The following MCTP1 variants were observed in gnomAD, a reference collection of about 807,000 sequenced individuals.
The protein encoded by MCTP1 is multiple C2 and transmembrane domain-containing protein 1.
MCTP1 carries 69 observed loss-of-function variants against 120.6 expected under a neutral mutation model. That is an observed-to-expected ratio of 0.57 (90% CI 0.47 to 0.70). MCTP1 has a LOEUF of 0.70. Ranked by LOEUF, MCTP1 falls within the 30% of genes least tolerant of loss-of-function variation. The probability of loss-of-function intolerance (pLI) is 0.00; values close to 1 mark genes in which losing one functional copy is unlikely to be tolerated. For missense variants in MCTP1, 1,203 were observed against 1,248.8 expected (o/e 0.96, Z 0.55); for synonymous variants, 529 against 493.1 (o/e 1.07, Z -0.96).
chr5:95,231,711 C>A (rs1019425926), intron 1 of MCTP1, among the ~76,000 whole-genome samples: 3 of 152,024 alleles, frequency 2.0e-5, no homozygotes, highest in African/African-American at 4.8e-5. Flanking sequence ...AGATCATGTT[C>A]TTATTATTTA....
At chr5:95,084,407 G>A (rs1190603296) in intron 1 of MCTP1, among the ~76,000 whole-genome samples, 1 of 151,958 alleles carries the variant, frequency 6.6e-6, no homozygotes, top group Admixed American at 6.6e-5. Context: ...GAATACTCCA[G>A]TTTTTCAGTC....
chr5:95,100,801 G>T (rs1405005460), intron 1 of MCTP1, among the ~76,000 whole-genome samples: 1 of 152,150 alleles, frequency 6.6e-6, no homozygotes, highest in Non-Finnish European at 1.5e-5. Context: ...CTCAGTAGGG[G>T]TGAAAGCAAA....
intron 1 of MCTP1, among the ~76,000 whole-genome samples, chr5:95,030,359 C>CTTCTTAACTGCTTAGCTCCTA (rs1840047254): frequency 6.6e-6 from 1 of 152,188 alleles, no homozygotes; most frequent in Non-Finnish European, 1.5e-5. Context: ...TTCTTAACTG[C>CTTCTTAACTGCTTAGCTCCTA]TATATACTGG....
chr5:95,163,259 G>C (rs1194387462), intron 1 of MCTP1, among the ~76,000 whole-genome samples: 1 of 152,148 alleles, frequency 6.6e-6, no homozygotes, highest in East Asian at 1.9e-4. Flanking sequence ...AATAACTGTT[G>C]AATAGACAAG....
chr5:94,827,727 C>T (rs1787517729), intron 17 of MCTP1, among the ~76,000 whole-genome samples: 1 of 151,488 alleles, frequency 6.6e-6, no homozygotes, highest in African/African-American at 2.4e-5. Flanking sequence ...TCTTCAATCT[C>T]TGATATCCTT....
At chr5:94,912,298 A>C (rs961867529) in intron 9 of MCTP1, among the ~76,000 whole-genome samples, 1 of 151,528 alleles carries the variant, frequency 6.6e-6, no homozygotes, top group African/African-American at 2.4e-5. Flanking sequence ...GGTGGTATGC[A>C]CCTGTAGTCC....
chr5:94,791,807 C>G (rs1779027618), intron 18 of MCTP1: 1 of 152,276 alleles, frequency 6.6e-6, no homozygotes, highest in Non-Finnish European at 1.5e-5. Flanking sequence ...TGGGGCTACC[C>G]CACCCTGGTC....
At chr5:94,822,129 T>C (rs2153105832) in intron 17 of MCTP1, among the ~76,000 whole-genome samples, 1 of 152,296 alleles carries the variant, frequency 6.6e-6, no homozygotes, top group East Asian at 1.9e-4. Flanking sequence ...GTTACATAGG[T>C]ATACATGTTC....
At chr5:94,828,100 C>T (rs755409907) in intron 17 of MCTP1, among the ~76,000 whole-genome samples, 68 of 152,138 alleles carry the variant, frequency 4.5e-4, no homozygotes, top group Non-Finnish European at 8.2e-4. Flanking sequence ...ATGGACTTAT[C>T]TACCTTTGGT....
chr5:95,059,361 G>A (rs1192536801), intron 1 of MCTP1, among the ~76,000 whole-genome samples: 6 of 152,106 alleles, frequency 3.9e-5, no homozygotes, highest in Admixed American at 6.6e-5. Context: ...GCTAAACTGT[G>A]GGTACTCAGT....
At chr5:95,236,455 A>G (rs897103531) in intron 1 of MCTP1, among the ~76,000 whole-genome samples, 1 of 152,182 alleles carries the variant, frequency 6.6e-6, no homozygotes, top group Non-Finnish European at 1.5e-5. Context: ...GATCCTGGAA[A>G]AAATAGTTAA....
intron 1 of MCTP1, among the ~76,000 whole-genome samples, chr5:95,232,267 A>G (rs774903070): frequency 1.3e-5 from 2 of 151,794 alleles, no homozygotes; most frequent in Non-Finnish European, 2.9e-5. Context: ...AGGAAAAGGG[A>G]AAGGAAGAAG....
chr5:95,254,152 T>C (rs1470663698), intron 1 of MCTP1, among the ~76,000 whole-genome samples: 1 of 152,144 alleles, frequency 6.6e-6, no homozygotes, highest in African/African-American at 2.4e-5. Context: ...AGATCTGGAA[T>C]TTTTCACTGA....
chr5:95,273,341 C>G (rs1759558940), intron 1 of MCTP1, among the ~76,000 whole-genome samples: 1 of 152,168 alleles, frequency 6.6e-6, no homozygotes, highest in Non-Finnish European at 1.5e-5. Flanking sequence ...GGACCATTTG[C>G]CATGCACAGA....
chr5:94,975,095 C>G (rs1827812055), intron 2 of MCTP1, among the ~76,000 whole-genome samples: 1 of 152,012 alleles, frequency 6.6e-6, no homozygotes, highest in African/African-American at 2.4e-5. Context: ...TAGAATGGAT[C>G]AGGGAAGGTG....
At chr5:94,890,953 A>G (rs1802445290) in intron 11 of MCTP1, among the ~76,000 whole-genome samples, 1 of 152,112 alleles carries the variant, frequency 6.6e-6, no homozygotes, top group Non-Finnish European at 1.5e-5. Context: ...TTTGCATTAT[A>G]AAGTTATTAA....
chr5:95,171,510 C>T (rs1747286498), intron 1 of MCTP1, among the ~76,000 whole-genome samples: 1 of 152,162 alleles, frequency 6.6e-6, no homozygotes, highest in South Asian at 2.1e-4. Context: ...GAGTGTTTTC[C>T]AACTTGGTTC....
At chr5:95,207,278 G>A (rs907540843) in intron 1 of MCTP1, among the ~76,000 whole-genome samples, 7 of 152,122 alleles carry the variant, frequency 4.6e-5, no homozygotes, top group African/African-American at 1.7e-4. Context: ...CAGCAGGGGT[G>A]GTGAATAGGG....
intron 2 of MCTP1, among the ~76,000 whole-genome samples, chr5:94,962,344 T>C (rs1418642114): frequency 6.6e-6 from 1 of 151,922 alleles, no homozygotes; most frequent in East Asian, 1.9e-4. Flanking sequence ...TACTTGCACA[T>C]GCATGTTTAA....
Sources: gnomAD v4.1 joint callset for allele counts (sites outside exome capture counted in the v4.1 genomes callset) on GRCh38, gnomAD v4.1.1 for gene constraint, MANE v1.5 for transcripts, NCBI Gene and HGNC (gene_info 2026-07-23, HGNC 2026-07-21) for gene names.